The following DNAJC1 variants were observed in gnomAD, a reference collection of about 807,000 sequenced individuals.
The protein encoded by DNAJC1 is DnaJ heat shock protein family (Hsp40) member C1, also known as dnaJ homolog subfamily C member 1.
DNAJC1 carries 58 observed loss-of-function variants against 76.6 expected under a neutral mutation model. The ratio of observed to expected loss-of-function variants is 0.76; its 90% CI spans 0.61 to 0.94. DNAJC1 has a LOEUF of 0.94. Ranked by LOEUF, DNAJC1 falls within the 40% of genes least tolerant of loss-of-function variation. DNAJC1 has a pLI of 0.00. For missense variants in DNAJC1, 689 were observed against 677.3 expected, an observed-to-expected ratio of 1.02 and a Z score of -0.19; for synonymous variants, 258 against 267.9, an observed-to-expected ratio of 0.96 and a Z score of 0.36.
intron 8 of DNAJC1, among the ~76,000 whole-genome samples, chr10:21,864,803 G>C (rs1835971524): frequency 6.6e-6 from 1 of 151,962 alleles, no homozygotes; most frequent in Non-Finnish European, 1.5e-5. Context: ...TAAAAAGCAG[G>C]CCAAATGATG....
chr10:21,920,991 C>T (rs528462119), intron 3 of DNAJC1, 28 bp from the exon 4 acceptor site: 25 of 1,485,728 alleles, frequency 1.7e-5, no homozygotes, highest in African/African-American at 4.3e-5. Flanking sequence ...CAGTTTTTCA[C>T]GGGGAGTTTA....
chr10:21,811,944 T>C (rs1308635589), intron 8 of DNAJC1, among the ~76,000 whole-genome samples: 2 of 152,240 alleles, frequency 1.3e-5, no homozygotes, highest in Non-Finnish European at 2.9e-5. Context: ...AGCATTCTTG[T>C]TGTTCCACAT....
At chr10:21,888,455 A>G (rs1355000451) in intron 7 of DNAJC1, among the ~76,000 whole-genome samples, 1 of 152,218 alleles carries the variant, frequency 6.6e-6, no homozygotes, top group African/African-American at 2.4e-5. Flanking sequence ...ATGCAGCACT[A>G]TTCACAATAG....
chr10:21,809,969 G>C (rs899702788), intron 8 of DNAJC1, among the ~76,000 whole-genome samples: 1 of 151,752 alleles, frequency 6.6e-6, no homozygotes, highest in Non-Finnish European at 1.5e-5. Context: ...TGGCGGGGTG[G>C]GGGGAATGGG....
chr10:21,935,655 A>C (rs905352676), intron 1 of DNAJC1, among the ~76,000 whole-genome samples: 1 of 150,896 alleles, frequency 6.6e-6, no homozygotes, highest in Non-Finnish European at 1.5e-5. Context: ...AAGTAGGAGA[A>C]AACTAAAGAG....
At chr10:21,816,847 G>C (rs1835085939) in intron 8 of DNAJC1, among the ~76,000 whole-genome samples, 1 of 134,796 alleles carries the variant, frequency 7.4e-6, no homozygotes, top group South Asian at 2.6e-4. Context: ...GCCCGGCCGA[G>C]ACTCTGTCTC....
intron 9 of DNAJC1, among the ~76,000 whole-genome samples, chr10:21,800,063 T>C (rs926320227): frequency 2.0e-5 from 3 of 152,164 alleles, no homozygotes; most frequent in Non-Finnish European, 4.4e-5. Flanking sequence ...TGAGAGACTC[T>C]TACAAAGTTG....
chr10:21,997,728 AAAG>A (rs1838443136), intron 1 of DNAJC1, among the ~76,000 whole-genome samples: 2 of 152,240 alleles, frequency 1.3e-5, no homozygotes, highest in African/African-American at 4.8e-5. Flanking sequence ...AATGAGCTTA[AAAG>A]GTTTATTAAT....
At chr10:21,815,541 G>A (rs1352777801) in intron 8 of DNAJC1, among the ~76,000 whole-genome samples, 1 of 152,114 alleles carries the variant, frequency 6.6e-6, no homozygotes, top group Non-Finnish European at 1.5e-5. Context: ...ACTAGGGAAG[G>A]CTTAGTCCAT....
chr10:21,782,203 G>C (rs569103859), intron 9 of DNAJC1, among the ~76,000 whole-genome samples: 1 of 152,146 alleles, frequency 6.6e-6, no homozygotes, highest in Non-Finnish European at 1.5e-5. Context: ...AAATGATAAA[G>C]GGGATATCAC....
intron 8 of DNAJC1, among the ~76,000 whole-genome samples, chr10:21,818,403 A>T (rs1185626345): frequency 6.6e-6 from 1 of 152,230 alleles, no homozygotes; most frequent in African/African-American, 2.4e-5. Context: ...CCGAAACTTC[A>T]TTAGCAATTT....
intron 1 of DNAJC1, among the ~76,000 whole-genome samples, chr10:21,935,109 A>C (rs1837289434): frequency 6.6e-6 from 1 of 152,166 alleles, no homozygotes; most frequent in South Asian, 2.1e-4. Context: ...GAAACAGGAA[A>C]GTATGGTCTT....
Position 21,855,959 on chromosome 10 carries a change from C to T in DNAJC1, c.978+26323G>A, listed in dbSNP as rs988440792. ...TCATAAGACAGACAGAATAACCTGA[C>T]GAAAAGCAGAAAATAGGTTGGTGTT... is the stretch of plus-strand genomic sequence containing the variant. On this transcript the variant is annotated intron_variant, in intron 8 of 11. Transcript: ENST00000376980. 2.6e-5 allele frequency among the ~76,000 whole-genome samples: 4 copies of T among 152,022 alleles called. No homozygotes were observed. In the East Asian group the frequency reaches 5.8e-4, roughly 22 times the overall value.
Position 21,911,469 on chromosome 10 carries a change from T to C in DNAJC1, c.730-6857A>G, listed in dbSNP as rs146939233. 2.8e-3 allele frequency among the ~76,000 whole-genome samples: 426 copies of C among 151,982 alleles called. 7 individuals carry two copies. The highest frequency in any genetic ancestry group is 4.7e-4 in the Non-Finnish European group (32 of 67,950). On this transcript the variant is annotated intron_variant, in intron 6 of 11. Coordinates refer to ENST00000376980, the MANE Select transcript of DNAJC1 (RefSeq NM_022365.4). ...GTAAAATTGTACATTTTGATAAGAGTCAAAATTTCTGTACAGAACTATAAT... is the reference window on the plus strand; with the variant it reads ...GTAAAATTGTACATTTTGATAAGAGCCAAAATTTCTGTACAGAACTATAAT...
At chr10:21,894,348 A>T (rs562949023) in intron 7 of DNAJC1, among the ~76,000 whole-genome samples, 11 of 152,300 alleles carry the variant, frequency 7.2e-5, no homozygotes, top group African/African-American at 2.6e-4. Context: ...AGGCAAGTAG[A>T]TCACTTCAGG....
chr10:22,002,691 A>G (rs1027636207), intron 1 of DNAJC1, among the ~76,000 whole-genome samples: 6 of 152,162 alleles, frequency 3.9e-5, no homozygotes. Flanking sequence ...CAACACAGAC[A>G]CTGGCCACAG....
chr10:21,985,220 C>T (rs955528392), intron 1 of DNAJC1, among the ~76,000 whole-genome samples: 2 of 151,608 alleles, frequency 1.3e-5, no homozygotes, highest in African/African-American at 4.8e-5. Context: ...TGCAATCAAT[C>T]CCCATCCCCA....
chr10:21,785,966 T>C (rs1023407775), intron 9 of DNAJC1, among the ~76,000 whole-genome samples: 1 of 152,176 alleles, frequency 6.6e-6, no homozygotes, highest in African/African-American at 2.4e-5. Context: ...ACTAGGAATG[T>C]TGATCACTGT....
intron 1 of DNAJC1, among the ~76,000 whole-genome samples, chr10:21,945,729 G>C (rs181191900): frequency 6.6e-6 from 1 of 152,168 alleles, no homozygotes; most frequent in African/African-American, 2.4e-5. Flanking sequence ...GAGGGTACAA[G>C]TTGATAGTAA....
Sources: allele counts gnomAD v4.1 joint callset (sites outside exome capture counted in the v4.1 genomes callset), GRCh38; gene constraint gnomAD v4.1.1; transcripts MANE v1.5; gene names NCBI Gene and HGNC (gene_info 2026-07-23, HGNC 2026-07-21).